Variants in PRKD1 observed in about 807,000 individuals in gnomAD.
PRKD1 encodes protein kinase D1.
Under a neutral mutation model 95.9 loss-of-function variants are expected in PRKD1, and 63 were observed. That is an observed-to-expected ratio of 0.66 (90% CI 0.54 to 0.81). PRKD1 has a LOEUF of 0.81. Among genes scored for constraint, PRKD1 ranks in the 30% least tolerant of loss-of-function variants. The probability of loss-of-function intolerance (pLI) is 0.00; values close to 1 mark genes in which losing one functional copy is unlikely to be tolerated. For synonymous variants in PRKD1, 425 were observed against 423.1 expected (o/e 1.00, Z -0.05); for missense variants, 1,048 against 1,165.3 (o/e 0.90, Z 1.47).
intron 2 of PRKD1, among the ~76,000 whole-genome samples, chr14:29,699,875 A>G (rs1884739370): frequency 1.3e-5 from 2 of 152,164 alleles, no homozygotes; most frequent in Admixed American, 1.3e-4. Context: ...GCAAAACCAC[A>G]TTGTTTTAAT....
chr14:29,670,635 T>C (rs1193633478), intron 2 of PRKD1, among the ~76,000 whole-genome samples: 1 of 152,156 alleles, frequency 6.6e-6, no homozygotes, highest in South Asian at 2.1e-4. Flanking sequence ...AATTTCACAC[T>C]ATTGTGGCCC....
rs1880371622 is a variant in PRKD1 at position 29,636,346 on chromosome 14, G to C, written c.1134C>G (p.Asp378Glu). The change falls in exon 7 of 18, where the codon GAC (aspartate) becomes GAG (glutamate). Residue 378 changes from aspartate to glutamate, a missense_variant. Coordinates refer to ENST00000331968, the MANE Select transcript of PRKD1 (RefSeq NM_002742.3). ...GGTCTGGATCTTGCATCTCGCCACT[G>C]TCGTTCTGGCACTCTGCCATTGCCA... Reference protein sequence around the residue: ...AEMAMAECQNDSGEMQDPDPD... With the variant: ...AEMAMAECQNESGEMQDPDPD... 6.2e-7 allele frequency: 1 copy of C among 1,614,206 alleles called. No individual in the cohort carries two copies. The highest frequency in any genetic ancestry group is 1.3e-5 in the African/African-American group (1 of 75,044).
At chr14:29,722,568 TAGCC>T (rs1885949634) in intron 2 of PRKD1, among the ~76,000 whole-genome samples, 1 of 152,224 alleles carries the variant, frequency 6.6e-6, no homozygotes, top group African/African-American at 2.4e-5. Flanking sequence ...TTTATTCTCA[TAGCC>T]AGTAGTTAAT....
chr14:29,665,375 C>T (rs868779437), intron 3 of PRKD1, among the ~76,000 whole-genome samples: 6 of 152,116 alleles, frequency 3.9e-5, no homozygotes, highest in African/African-American at 1.2e-4. Flanking sequence ...CATCCCTCAG[C>T]CACCTCTGAA....
At chr14:29,844,618 T>C (rs1397814053) in intron 1 of PRKD1, among the ~76,000 whole-genome samples, 2 of 152,238 alleles carry the variant, frequency 1.3e-5, no homozygotes, top group African/African-American at 4.8e-5. Context: ...TGGACATGTA[T>C]GTATATCATA....
chr14:29,836,528 TAGA>T (rs1318112685), intron 1 of PRKD1, among the ~76,000 whole-genome samples: 1 of 152,144 alleles, frequency 6.6e-6, no homozygotes, highest in Non-Finnish European at 1.5e-5. Context: ...GCTTGGGTGC[TAGA>T]ACAATGTTTT....
At chr14:29,922,746 T>A (rs141179059) in intron 1 of PRKD1, among the ~76,000 whole-genome samples, 1,773 of 152,058 alleles carry the variant, frequency 0.012, 16 homozygotes, top group Non-Finnish European at 0.014. Flanking sequence ...ATTAGTCAGA[T>A]GTGGTGGCAC....
chr14:29,867,749 C>T (rs1176576464), intron 1 of PRKD1, among the ~76,000 whole-genome samples: 1 of 152,178 alleles, frequency 6.6e-6, no homozygotes, highest in African/African-American at 2.4e-5. Flanking sequence ...TTCTGACACT[C>T]TGCTTAGTGC....
At chr14:29,779,692 C>G (rs1336348534) in intron 1 of PRKD1, among the ~76,000 whole-genome samples, 2 of 152,098 alleles carry the variant, frequency 1.3e-5, no homozygotes, top group East Asian at 1.9e-4. Context: ...GAATCAACAT[C>G]GTGAAAATGG....
At chr14:29,862,456 A>C (rs1892743571) in intron 1 of PRKD1, among the ~76,000 whole-genome samples, 1 of 152,162 alleles carries the variant, frequency 6.6e-6, no homozygotes, top group Non-Finnish European at 1.5e-5. Flanking sequence ...GGAACATCCA[A>C]ACTGTTCTCC....
intron 1 of PRKD1, among the ~76,000 whole-genome samples, chr14:29,903,722 C>CA (rs1156684079): frequency 6.6e-6 from 1 of 151,848 alleles, no homozygotes; most frequent in Non-Finnish European, 1.5e-5. Context: ...AACTGAGGAA[C>CA]AAAAAATGAT....
chr14:29,615,802 C>T (rs1878814532), intron 13 of PRKD1, among the ~76,000 whole-genome samples: 1 of 152,288 alleles, frequency 6.6e-6, no homozygotes, highest in Admixed American at 6.5e-5. Context: ...TTAATATTTT[C>T]ATTAATTGAA....
At chr14:29,880,428 CAGA>C (rs1893461713) in intron 1 of PRKD1, among the ~76,000 whole-genome samples, 1 of 152,202 alleles carries the variant, frequency 6.6e-6, no homozygotes. Flanking sequence ...GCCTAGATTT[CAGA>C]AGATGTATAG....
At chr14:29,847,495 T>C (rs1892127075) in intron 1 of PRKD1, among the ~76,000 whole-genome samples, 2 of 152,228 alleles carry the variant, frequency 1.3e-5, no homozygotes, top group South Asian at 4.1e-4. Flanking sequence ...TAATACACTG[T>C]GATCCACTGA....
At chr14:29,629,397 C>T (rs1040475759) in intron 10 of PRKD1, among the ~76,000 whole-genome samples, 3 of 152,242 alleles carry the variant, frequency 2.0e-5, no homozygotes, top group Non-Finnish European at 2.9e-5. Context: ...TAACCTCGCT[C>T]GAGAGACACT....
In PRKD1 at chr14:29,665,938, T is replaced by C. The variant is rs554743459; in HGVS notation, c.535+139A>G. 55 of 885,004 alleles carry C rather than the reference T, an allele frequency of 6.2e-5. No homozygotes were observed. In the African/African-American group the frequency reaches 7.8e-4, roughly 13 times the overall value. The allele number at this position is 885,004 out of a possible 1,614,324, so 54.8% of individuals were successfully genotyped here. On this transcript the variant is annotated intron_variant, in intron 3 of 17. Transcript: ENST00000331968. ...ATATATATGTGCGTATATATATGTATATATGTACCACATTTTCTTTATCCA... is the reference window on the plus strand; with the variant it reads ...ATATATATGTGCGTATATATATGTACATATGTACCACATTTTCTTTATCCA...
chr14:29,768,837 T>C (rs182036091), intron 1 of PRKD1, among the ~76,000 whole-genome samples: 2 of 152,116 alleles, frequency 1.3e-5, no homozygotes, highest in Admixed American at 6.5e-5. Context: ...TGAAACTGGG[T>C]TCAAAAGCCA....
chr14:29,725,788 C>A (rs936935891), intron 1 of PRKD1, 114 bp from the exon 2 acceptor site: 2 of 989,934 alleles, frequency 2.0e-6, no homozygotes, highest in Non-Finnish European at 2.8e-6. Context: ...GTATCTAGAT[C>A]ATTAAAATAT....
Position 29,634,586 on chromosome 14 carries a change from A to T in PRKD1, c.1191-45T>A, listed in dbSNP as rs1214821844. 3 of 1,609,506 alleles carry T rather than the reference A, an allele frequency of 1.9e-6. No homozygotes were observed. In the South Asian group the frequency reaches 3.3e-5, roughly 18 times the overall value. ...GTAGGGAAAAAATGTTTTCAGGTAC[A>T]TTTTATGTATTTTCATGCATAAAAC... is the stretch of plus-strand genomic sequence containing the variant. On this transcript the variant is annotated intron_variant, in intron 7 of 17. Transcript: ENST00000331968.
Sources: gnomAD v4.1 joint callset for allele counts (sites outside exome capture counted in the v4.1 genomes callset) on GRCh38, gnomAD v4.1.1 for gene constraint, MANE v1.5 for transcripts, NCBI Gene and HGNC (gene_info 2026-07-23, HGNC 2026-07-21) for gene names.